Variants in SH3TC1 observed in about 807,000 individuals in gnomAD.
SH3TC1 encodes SH3 domain and tetratricopeptide repeat-containing protein 1.
A neutral mutation model predicts 117.3 loss-of-function variants in SH3TC1; 135 were observed. The ratio of observed to expected loss-of-function variants is 1.15; its 90% confidence interval spans 1.00 to 1.33. SH3TC1 has a LOEUF of 1.33. Among genes scored for constraint, SH3TC1 ranks in the 40% most tolerant of loss-of-function variants. SH3TC1 has a pLI of 0.00. For missense variants in SH3TC1, 2,092 were observed against 1,794.3 expected, an observed-to-expected ratio of 1.17 and a Z score of -3.00; for synonymous variants, 898 against 816.9, an observed-to-expected ratio of 1.10 and a Z score of -1.69.
chr4:8,212,909 T>C (rs1712287), intron 4 of SH3TC1, 81 bp downstream of exon 4: 1,318,287 of 1,458,084 alleles, frequency 0.9, 597,341 homozygotes, highest in East Asian at 1. Context: ...TGTCTGAGAC[T>C]GGGGACACAG....
At chr4:8,238,582 G>T (rs1001243248) in intron 17 of SH3TC1, among the ~76,000 whole-genome samples, 2 of 152,096 alleles carry the variant, frequency 1.3e-5, no homozygotes, top group Non-Finnish European at 2.9e-5. Flanking sequence ...CGTATCCCCC[G>T]CGGCAGGCCT....
Position 8,190,785 on chromosome 4 carries a change from C to T in SH3TC1, c.-57+8575C>T, listed in dbSNP as rs1054380450. On this transcript the variant is annotated intron_variant, in intron 1 of 16. Transcript: ENST00000508641. This position sits in a 1 kb window ranked among gnomAD's most constrained non-coding sequence, Gnocchi z 4.7. The stretch of plus-strand genomic sequence containing the variant: ...CCTCCCGAGCAGCTGGGACTACAGG[C>T]ACGCACCACCATGCCCAGCTAATTT... Among the ~76,000 whole-genome samples, 6 of 152,154 alleles carry T rather than the reference C, an allele frequency of 3.9e-5. No individual in the cohort carries two copies. The highest frequency in any genetic ancestry group is 7.2e-5 in the African/African-American group (3 of 41,424).
chr4:8,240,615 T>C (rs1722241924), intron 17 of SH3TC1, 83 bp from the exon 18 acceptor site: 10 of 1,575,148 alleles, frequency 6.3e-6, no homozygotes, highest in Non-Finnish European at 8.6e-6. Context: ...GCCGGACATG[T>C]GGAATGACCT....
upstream of SH3TC1, among the ~76,000 whole-genome samples, chr4:8,198,767 C>T (rs548143144): frequency 1.4e-3 from 212 of 152,282 alleles, 1 homozygote; most frequent in Non-Finnish European, 2.6e-3. Context: ...GCCAGTGGCC[C>T]GGAGGGCACC....
rs760839655 is a variant in SH3TC1 at position 8,205,680 on chromosome 4, C to T, written c.172+314C>T. On this transcript the variant is annotated intron_variant, in intron 2 of 17. Coordinates refer to ENST00000245105, the MANE Select transcript of SH3TC1 (RefSeq NM_018986.5). This position sits in a 1 kb window ranked among gnomAD's most constrained non-coding sequence, Gnocchi z 5.4. Reference sequence around the variant, plus strand: ...TTCAGAGACCGTTCCAGAAACAGTCCGATGGGTTTGGCCTTGGAACCCCTG... The same window carrying T: ...TTCAGAGACCGTTCCAGAAACAGTCTGATGGGTTTGGCCTTGGAACCCCTG... 2.7e-5 allele frequency: 20 copies of T among 746,712 alleles called. No homozygotes were observed. The highest frequency in any genetic ancestry group is 4.1e-5 in the South Asian group (3 of 72,382). 46.3% of individuals were successfully genotyped at this position (746,712 alleles called of 1,614,324 possible).
rs575817880 is a variant in SH3TC1, at chr4:8,186,355, C to T, written c.-57+4145C>T. ...AACAGGGACATCTGAAAAACCTTCC[C>T]GGCCAAAAGGCACCCCAAAAGACGA... On this transcript the variant is annotated intron_variant, in intron 1 of 16. Coordinates refer to the SH3TC1 transcript ENST00000508641. The surrounding 1 kb of genome is among the most constrained non-coding windows in gnomAD (Gnocchi z 5.2). Among the ~76,000 whole-genome samples, 23 of 152,210 alleles carry T rather than the reference C, an allele frequency of 1.5e-4. No individual in the cohort carries two copies. The highest frequency in any genetic ancestry group is 5.3e-4 in the African/African-American group (22 of 41,452).
chr4:8,214,420 AC>A, intron 4 of SH3TC1, 54 bp from the exon 5 acceptor site: 1 of 1,534,070 alleles, frequency 6.5e-7, no homozygotes, highest in South Asian at 1.1e-5. Flanking sequence ...TGTCCTCCTG[AC>A]AGATGCCCCA....
chr4:8,240,479 C>A (rs1007436196), intron 17 of SH3TC1, among the ~76,000 whole-genome samples: 1 of 152,168 alleles, frequency 6.6e-6, no homozygotes, highest in African/African-American at 2.4e-5. Context: ...ACAGGAGGCT[C>A]GGGGTGAGTG....
intron 9 of SH3TC1, among the ~76,000 whole-genome samples, chr4:8,221,585 C>G (rs1476704898): frequency 2.0e-5 from 3 of 152,140 alleles, no homozygotes; most frequent in African/African-American, 7.2e-5. Context: ...ATTGCTTTCT[C>G]TCTTTCACTT....
intron 12 of SH3TC1, among the ~76,000 whole-genome samples, chr4:8,230,250 T>C (rs1344482321): frequency 6.6e-6 from 1 of 152,240 alleles, no homozygotes; most frequent in Non-Finnish European, 1.5e-5. Context: ...AGGTCAGCAA[T>C]AATGTTCCCT....
chr4:8,228,295 C>T lies in SH3TC1; in HGVS notation c.2601C>T (p.Asn867=). Residue 867 remains asparagine, a synonymous_variant, in exon 12 of 18, where the codon AAC becomes AAT. Coordinates refer to ENST00000245105, the MANE Select transcript of SH3TC1 (RefSeq NM_018986.5). ...ASEDQEGVIA[N]MVAVALKRTG... ...AGGACCAGGAGGGCGTGATTGCCAACATGGTGGCCGTGGCTCTGAAGAGGA... is the reference window on the plus strand; with the variant it reads ...AGGACCAGGAGGGCGTGATTGCCAATATGGTGGCCGTGGCTCTGAAGAGGA... 6.2e-7 allele frequency: 1 copy of T among 1,612,362 alleles called. No individual in the cohort carries two copies. Among genetic ancestry groups the T allele is most frequent in the Non-Finnish European group, 8.5e-7 (1 of 1,179,908 alleles).
intron 10 of SH3TC1, chr4:8,224,534 C>A (rs1561703328): frequency 6.6e-6 from 1 of 152,392 alleles, no homozygotes; most frequent in Non-Finnish European, 1.5e-5. Flanking sequence ...CTCCCCAGAA[C>A]TGCACACCTG....
chr4:8,196,700 A>G (rs1377866541), upstream of SH3TC1, among the ~76,000 whole-genome samples: 1 of 152,014 alleles, frequency 6.6e-6, no homozygotes, highest in African/African-American at 2.4e-5. The surrounding 1 kb of genome is among the most constrained non-coding windows in gnomAD (Gnocchi z 4.6). Context: ...CTGGGCAGGA[A>G]GAAAGTTGAG....
Position 8,192,129 on chromosome 4 carries a change from A to G in SH3TC1, c.-57+9919A>G, listed in dbSNP as rs1717436196. 6.6e-6 allele frequency among the ~76,000 whole-genome samples: 1 copy of G among 151,936 alleles called. No individual in the cohort carries two copies. Among genetic ancestry groups the G allele is most frequent in the Non-Finnish European group, 1.5e-5 (1 of 68,012 alleles). ...CTCTGCCTCCCAAGTAGCTAAGATT[A>G]CAGGCACCTGCCACCACACTCAGCT... On this transcript the variant is annotated intron_variant, in intron 1 of 16. Transcript: ENST00000508641. This position sits in a 1 kb window ranked among gnomAD's most constrained non-coding sequence, Gnocchi z 4.1.
chr4:8,233,896 TCATC>T (rs753993945), intron 14 of SH3TC1, among the ~76,000 whole-genome samples: 27 of 148,124 alleles, frequency 1.8e-4, no homozygotes, highest in African/African-American at 2.8e-4. Flanking sequence ...CATCCATCCA[TCATC>T]CATCCATCCA....
intron 1 of SH3TC1, among the ~76,000 whole-genome samples, chr4:8,182,813 TC>T (rs754229945): frequency 6.6e-5 from 10 of 152,262 alleles, no homozygotes; most frequent in Admixed American, 5.9e-4. Flanking sequence ...GCCCCTGCCC[TC>T]CTGCTACACC....
In SH3TC1 at chr4:8,233,518, G is replaced by C. The variant is rs1026725657; in HGVS notation, c.3282+5G>C. 7.5e-6 allele frequency: 12 copies of C among 1,604,196 alleles called. No individual in the cohort carries two copies. Among genetic ancestry groups the C allele is most frequent in the Non-Finnish European group, 1.0e-5 (12 of 1,175,180 alleles). ...CTGGTGGACCTCTACATCCAGGTGA[G>C]TGATGAGGGATGCAGGAGGGCCTCT... On this transcript the variant is annotated splice_donor_5th_base_variant and intron_variant, in intron 14 of 17. Coordinates refer to ENST00000245105, the MANE Select transcript of SH3TC1 (RefSeq NM_018986.5).
rs999449638 is a variant in SH3TC1, at chr4:8,225,323, C to T, written c.1285+107C>T. On this transcript the variant is annotated intron_variant, in intron 11 of 17. Transcript: ENST00000245105. This position sits in a 1 kb window ranked among gnomAD's most constrained non-coding sequence, Gnocchi z 5.5. ...CACGGTGGGCATTGGGTGCGGCTGT[C>T]ACCCCTCTGTGGTGTGGGCTGGGGG... 8.7e-6 allele frequency: 11 copies of T among 1,267,144 alleles called. No homozygotes were observed. The highest frequency in any genetic ancestry group is 1.2e-5 in the Non-Finnish European group (11 of 895,250). 78.5% of individuals were successfully genotyped at this position (1,267,144 alleles called of 1,614,324 possible). A position where few individuals can be genotyped will look rare whatever the true frequency, so the allele number is the denominator to read the frequency against.
At chr4:8,233,636 T>TTCCA (rs1441729462) in intron 14 of SH3TC1, 123 bp downstream of exon 14, 4 of 1,200,746 alleles carry the variant, frequency 3.3e-6, no homozygotes, top group South Asian at 3.6e-5. Flanking sequence ...TCATCCTTCC[T>TTCCA]TCCATCCATC....
Sources: allele counts gnomAD v4.1 joint callset (sites outside exome capture counted in the v4.1 genomes callset), GRCh38; gene constraint gnomAD v4.1.1; non-coding constraint Gnocchi (gnomAD v3.1); transcripts MANE v1.5; gene names NCBI Gene and HGNC (gene_info 2026-07-23, HGNC 2026-07-21).